The following AP2A2 variants were observed in gnomAD, a reference collection of about 807,000 sequenced individuals.
The protein encoded by AP2A2 is AP-2 complex subunit alpha-2.
AP2A2 carries 32 observed loss-of-function variants against 104.2 expected under a neutral mutation model. The observed-to-expected ratio is 0.31, with a 90% confidence interval of 0.23 to 0.41. The LOEUF is 0.41. AP2A2 is among the 10% of genes least tolerant of loss of function. AP2A2 has a pLI of 1.00. For missense variants in AP2A2, 912 were observed against 1,261.0 expected, an observed-to-expected ratio of 0.72 and a Z score of 4.19; for synonymous variants, 539 against 533.3, an observed-to-expected ratio of 1.01 and a Z score of -0.15.
In AP2A2 at chr11:986,977, T is replaced by G. The variant is rs202104092; in HGVS notation, c.1131+24T>G. The G allele has an allele frequency of 4.7e-4, 728 of 1,557,574 alleles. 1 individual carries two copies. The highest frequency in any genetic ancestry group is 6.0e-4 in the Non-Finnish European group (693 of 1,150,248). On this transcript the variant is annotated intron_variant, in intron 9 of 21. Transcript: ENST00000448903. ...AGGCGAGTGCCCTGTCCTTGGGTTC[T>G]GCTCACTCCCTGAGCAGGTGCCGTG...
intron 14 of AP2A2, among the ~76,000 whole-genome samples, chr11:998,323 A>C (rs956779256): frequency 3.3e-3 from 256 of 77,204 alleles, no homozygotes; most frequent in Non-Finnish European, 4.9e-3. Context: ...TCTGACTCTC[A>C]CCCGCCCCCA....
At chr11:948,164 A>T (rs537720384) in intron 1 of AP2A2, among the ~76,000 whole-genome samples, 1 of 152,354 alleles carries the variant, frequency 6.6e-6, no homozygotes, top group South Asian at 2.1e-4. Context: ...CAAAGATGAG[A>T]GCAAAGATTG....
rs1854688970 is a variant in AP2A2, at chr11:968,228, C to T, written c.137-1941C>T. On this transcript the variant is annotated intron_variant, in intron 2 of 21. Transcript: ENST00000448903. The surrounding 1 kb of genome is among the most constrained non-coding windows in gnomAD (Gnocchi z 4.2). ...GTGCTTATGCAACAGGGGTGGTGTG[C>T]CCAGGGGAGTGCTCTGTGACATCTC... 6.6e-6 allele frequency among the ~76,000 whole-genome samples: 1 copy of T among 152,238 alleles called. No individual in the cohort carries two copies. Among genetic ancestry groups the T allele is most frequent in the South Asian group, 2.1e-4 (1 of 4,826 alleles).
chr11:952,341 C>G lies in AP2A2; in HGVS notation c.68-7096C>G, dbSNP rs576633434. 4.6e-5 allele frequency among the ~76,000 whole-genome samples: 7 copies of G among 152,292 alleles called. No homozygotes were observed. The South Asian group carries it at 1.2e-3, about 27-fold the overall frequency. On this transcript the variant is annotated intron_variant, in intron 1 of 21. Transcript: ENST00000448903. ...TACTAATCCTCTCTGTTGATTAGTT[C>G]AGCCTGTAAACAAGAAATCATTAAC...
chr11:1,000,463 G>A lies in AP2A2; in HGVS notation c.1988G>A (p.Gly663Asp), dbSNP rs902901123. The change falls in exon 15 of 22, where the codon GGT (glycine) becomes GAT (aspartate). Residue 663 changes from glycine (G) to aspartate (D), a missense_variant. Transcript: ENST00000448903. ...CCTTCTCCGTCGGCAGACCTGCTGG[G>A]TCTCGGGGCTGCCCCCCCTGCCCCC... Reference protein sequence around the residue: ...STPSPSADLLGLGAAPPAPAG... With the variant: ...STPSPSADLLDLGAAPPAPAG... 1 of 1,542,418 alleles carries A rather than the reference G, an allele frequency of 6.5e-7. No homozygotes were observed. The highest frequency in any genetic ancestry group is 2.4e-5 in the East Asian group (1 of 41,072).
chr11:944,576 G>C (rs948873858), intron 1 of AP2A2, among the ~76,000 whole-genome samples: 2 of 152,214 alleles, frequency 1.3e-5, no homozygotes, highest in African/African-American at 4.8e-5. Flanking sequence ...TGAGATGTTA[G>C]AAGATGATAA....
rs377141195 is a variant in AP2A2, at chr11:986,805, G to A, written c.983G>A (p.Arg328His). The A allele has an allele frequency of 1.3e-5, 21 of 1,613,092 alleles. No individual in the cohort carries two copies. Among genetic ancestry groups the A allele is most frequent in the Non-Finnish European group, 1.6e-5 (19 of 1,179,778 alleles). Residue 328 changes from arginine to histidine, a missense_variant, in exon 9 of 22, where the codon CGT (arginine) becomes CAT (histidine). Around this residue, in one of 7 missense-constraint regions of AP2A2, gnomAD observed 350 missense variants for 487.0 expected, o/e 0.72. Transcript: ENST00000448903. Reference protein sequence around the residue: ...HHDSEPNLLVRACNQLGQFLQ... With the variant: ...HHDSEPNLLVHACNQLGQFLQ... ...CACAGTGAGCCGAACCTGCTCGTCC[G>A]TGCCTGCAACCAGTTGGGCCAGTTT... is the stretch of plus-strand genomic sequence containing the variant.
intron 5 of AP2A2, among the ~76,000 whole-genome samples, chr11:979,809 C>T (rs569061512): frequency 2.2e-4 from 34 of 152,272 alleles, no homozygotes; most frequent in African/African-American, 7.2e-4. Context: ...TCAGGGGATC[C>T]GCCTGCTTCG....
chr11:947,013 T>G (rs1853865544), intron 1 of AP2A2: 1 of 145,864 alleles, frequency 6.9e-6, no homozygotes, highest in East Asian at 2.0e-4. Flanking sequence ...TTCTTTTCTT[T>G]TTTTTTTTTT....
At chr11:983,472 T>C (rs1463105523) in intron 6 of AP2A2, among the ~76,000 whole-genome samples, 1 of 150,968 alleles carries the variant, frequency 6.6e-6, no homozygotes, top group Non-Finnish European at 1.5e-5. Flanking sequence ...AAGCTCCGCC[T>C]CCTGGGTTCA....
intron 3 of AP2A2, among the ~76,000 whole-genome samples, chr11:971,253 T>G (rs1460466205): frequency 2.4e-5 from 3 of 124,912 alleles, no homozygotes; most frequent in African/African-American, 3.2e-5. Flanking sequence ...AGAGAGGGAG[T>G]GGAGGTGGGT....
rs779817121 is a variant in AP2A2 at position 993,419 on chromosome 11, C to T, written c.1550+38C>T. 6.9e-5 allele frequency: 104 copies of T among 1,510,676 alleles called. No homozygotes were observed. The highest frequency in any genetic ancestry group is 8.4e-5 in the African/African-American group (6 of 71,192). The allele number at this position is 1,510,676 out of a possible 1,614,324, so 93.6% of individuals were successfully genotyped here. A position where few individuals can be genotyped will look rare whatever the true frequency, so the allele number is the denominator to read the frequency against. ...TTGCGAGTCGGGGCTGTGTGCGCTC[C>T]GGCGGGCCTCTCGGTGGTCGGTGGC... On this transcript the variant is annotated intron_variant, in intron 12 of 21. Transcript: ENST00000448903. The surrounding 1 kb of genome is among the most constrained non-coding windows in gnomAD (Gnocchi z 8.2).
chr11:932,866 CT>C, intron 1 of AP2A2: 1 of 400,056 alleles, frequency 2.5e-6, no homozygotes. Flanking sequence ...TCTCTTTCCT[CT>C]TAAAATGAAC....
At chr11:940,702 T>G in intron 1 of AP2A2, 1 of 410,714 alleles carries the variant, frequency 2.4e-6, no homozygotes, top group South Asian at 1.8e-5. Flanking sequence ...GTTTGTTTGG[T>G]CTCTGGCCCA....
At chr11:940,947 C>T (rs1440035395) in intron 1 of AP2A2, 2 of 455,924 alleles carry the variant, frequency 4.4e-6, no homozygotes, top group Non-Finnish European at 8.8e-6. Flanking sequence ...GATGGGGCAT[C>T]TCACCCCTCG....
intron 6 of AP2A2, 62 bp from the exon 7 acceptor site, chr11:984,583 T>C (rs993389667): frequency 7.3e-7 from 1 of 1,378,704 alleles, no homozygotes; most frequent in Non-Finnish European, 1.0e-6. Flanking sequence ...GGCTTTTCTT[T>C]GGGTCCCCGC....
At chr11:988,209 G>C (rs1263742942) in intron 9 of AP2A2, among the ~76,000 whole-genome samples, 1 of 152,230 alleles carries the variant, frequency 6.6e-6, no homozygotes, top group African/African-American at 2.4e-5. Flanking sequence ...TTGGCTGCAT[G>C]GAAGGGAGTC....
intron 2 of AP2A2, among the ~76,000 whole-genome samples, chr11:965,961 C>T (rs1007271422): frequency 4.6e-5 from 7 of 152,192 alleles, no homozygotes; most frequent in African/African-American, 1.7e-4. Context: ...CTGCTTCCAC[C>T]TCCCGAGTGG....
At chr11:959,156 C>T (rs559432551) in intron 1 of AP2A2, among the ~76,000 whole-genome samples, 2 of 152,300 alleles carry the variant, frequency 1.3e-5, no homozygotes, top group East Asian at 3.9e-4. Context: ...CTGTGGAGCA[C>T]CCCCTGGGTG....
Sources: gnomAD v4.1 joint callset for allele counts (sites outside exome capture counted in the v4.1 genomes callset) on GRCh38, gnomAD v4.1.1 for gene constraint, gnomAD v4.1.1 regional missense constraint, Gnocchi (gnomAD v3.1) non-coding constraint, MANE v1.5 for transcripts, NCBI Gene and HGNC (gene_info 2026-07-23, HGNC 2026-07-21) for gene names.